ADAM12: variants seen among roughly 807,000 people sequenced by gnomAD.
ADAM12 encodes ADAM metallopeptidase domain 12, also known as disintegrin and metalloproteinase domain-containing protein 12.
ADAM12 carries 70 observed loss-of-function variants against 106.4 expected under a neutral mutation model. That is an observed-to-expected ratio of 0.66 (90% CI 0.54 to 0.80). ADAM12 has a LOEUF of 0.80. Ranked by LOEUF, ADAM12 falls within the 30% of genes least tolerant of loss-of-function variation. ADAM12 has a pLI of 0.00. For missense variants in ADAM12, 1,010 were observed against 1,171.9 expected, an observed-to-expected ratio of 0.86 and a Z score of 2.02; for synonymous variants, 420 against 433.5, an observed-to-expected ratio of 0.97 and a Z score of 0.39.
At chr10:126,351,315 G>T (rs557587752) in intron 1 of ADAM12, among the ~76,000 whole-genome samples, 4 of 151,870 alleles carry the variant, frequency 2.6e-5, no homozygotes, top group Non-Finnish European at 5.9e-5. Context: ...TCTGTCCTCT[G>T]CCAGCCCTAT....
Position 126,015,292 on chromosome 10 carries a change from G to A in ADAM12, c.*1987C>T, listed in dbSNP as rs1237169533. 1 of 152,146 alleles carries A rather than the reference G, an allele frequency of 6.6e-6. No homozygotes were observed. The highest frequency in any genetic ancestry group is 1.5e-5 in the Non-Finnish European group (1 of 68,016). 9.4% of individuals were successfully genotyped at this position (152,146 alleles called of 1,614,324 possible). A position where few individuals can be genotyped will look rare whatever the true frequency, so the allele number is the denominator to read the frequency against. ...ACTCAGTTCATATCCTCTTATAATT[G>A]GAGGAAGGGCTAACATGCCAGATCT... On this transcript the variant is annotated 3_prime_UTR_variant, in exon 23 of 23. Coordinates refer to ENST00000448723, the MANE Select transcript of ADAM12 (RefSeq NM_001288973.2).
intron 3 of ADAM12, among the ~76,000 whole-genome samples, chr10:126,202,042 A>G (rs570149039): frequency 2.0e-5 from 3 of 152,314 alleles, no homozygotes; most frequent in South Asian, 4.1e-4. Context: ...CAGGATGTAC[A>G]GCACCAGTGC....
rs781742317 is a variant in ADAM12, at chr10:126,066,816, G to C, written c.1324-10C>G. On this transcript the variant is annotated splice_polypyrimidine_tract_variant and intron_variant, in intron 12 of 22. Coordinates refer to ENST00000448723, the MANE Select transcript of ADAM12 (RefSeq NM_001288973.2). The surrounding 1 kb of genome is among the most constrained non-coding windows in gnomAD (Gnocchi z 5.1). Reference sequence around the variant, plus strand: ...AGCGATTCATACATTCCTGGAAAGGGGAATGGCATTTGTTTGACAGGGTCT... The same window carrying C: ...AGCGATTCATACATTCCTGGAAAGGCGAATGGCATTTGTTTGACAGGGTCT... The C allele has an allele frequency of 1.1e-5, 18 of 1,612,142 alleles. No homozygotes were observed. The highest frequency in any genetic ancestry group is 1.7e-5 in the Admixed American group (1 of 59,992).
chr10:126,366,010 G>A (rs549229004), intron 1 of ADAM12, among the ~76,000 whole-genome samples: 165 of 152,250 alleles, frequency 1.1e-3, no homozygotes, highest in African/African-American at 3.7e-3. Flanking sequence ...AATATTATAC[G>A]AGGTTTAGAT....
chr10:126,334,828 T>A (rs188894561), intron 1 of ADAM12, among the ~76,000 whole-genome samples: 132 of 152,294 alleles, frequency 8.7e-4, no homozygotes, highest in Non-Finnish European at 1.5e-3. Flanking sequence ...AGGTGGAGAC[T>A]GATGCAGCAG....
At chr10:126,071,449 G>C in intron 12 of ADAM12, 28 bp downstream of exon 12, 1 of 1,610,592 alleles carries the variant, frequency 6.2e-7, no homozygotes, top group South Asian at 1.1e-5. Context: ...AAGTCTTCTT[G>C]TATCCTTGTT....
At chr10:126,208,353 G>T (rs576123967) in intron 3 of ADAM12, among the ~76,000 whole-genome samples, 18 of 152,138 alleles carry the variant, frequency 1.2e-4, no homozygotes, top group Non-Finnish European at 2.6e-4. Flanking sequence ...CAGCAACAAA[G>T]AATTATCCCC....
At position 126,038,365 on chromosome 10, in the gene ADAM12, A is replaced by G. The variant is rs1565001807; in HGVS notation, c.2241-16T>C. On this transcript the variant is annotated splice_polypyrimidine_tract_variant and intron_variant, in intron 19 of 22. Coordinates refer to ENST00000448723, the MANE Select transcript of ADAM12 (RefSeq NM_001288973.2). ...GCGCACACACCTGCAACAGAATCCCATACCTGCTGACCAAGCGTGTTTCCC... is the reference window on the plus strand; with the variant it reads ...GCGCACACACCTGCAACAGAATCCCGTACCTGCTGACCAAGCGTGTTTCCC... The G allele has an allele frequency of 6.5e-7, 1 of 1,542,328 alleles. No homozygotes were observed. Among genetic ancestry groups the G allele is most frequent in the East Asian group, 2.3e-5 (1 of 43,492 alleles).
chr10:126,203,838 G>A (rs1957745196), intron 3 of ADAM12, among the ~76,000 whole-genome samples: 1 of 152,180 alleles, frequency 6.6e-6, no homozygotes, highest in South Asian at 2.1e-4. Flanking sequence ...TTGGGAGTGT[G>A]GCTGCCTGTG....
rs566025384 is a variant in ADAM12 at position 126,235,973 on chromosome 10, G to A, written c.260+42942C>T. ...ACCAAGGGGCTGGGGGAGCAGAGGC[G>A]AGGGCAGCCCAGGGCCTGGCAGACA... On this transcript the variant is annotated intron_variant, in intron 3 of 22. Coordinates refer to ENST00000448723, the MANE Select transcript of ADAM12 (RefSeq NM_001288973.2). 7.9e-5 allele frequency among the ~76,000 whole-genome samples: 12 copies of A among 152,270 alleles called. No homozygotes were observed. The East Asian group carries it at 1.7e-3, about 22-fold the overall frequency.
chr10:126,362,232 T>C (rs899038913), intron 1 of ADAM12, among the ~76,000 whole-genome samples: 3 of 151,984 alleles, frequency 2.0e-5, no homozygotes, highest in South Asian at 2.1e-4. Flanking sequence ...AAAACCACAA[T>C]GAGATATTAT....
At chr10:126,201,365 A>G (rs1402533557) in intron 3 of ADAM12, among the ~76,000 whole-genome samples, 1 of 152,146 alleles carries the variant, frequency 6.6e-6, no homozygotes, top group Non-Finnish European at 1.5e-5. Context: ...GAGATACAGA[A>G]GAGAAACAGG....
intron 3 of ADAM12, among the ~76,000 whole-genome samples, chr10:126,268,088 A>C (rs993236967): frequency 1.3e-5 from 2 of 152,282 alleles, no homozygotes; most frequent in Middle Eastern, 3.4e-3. Context: ...TCATCATCCC[A>C]AACAGAAACT....
At chr10:126,315,807 A>T (rs1853841488) in intron 2 of ADAM12, among the ~76,000 whole-genome samples, 1 of 152,222 alleles carries the variant, frequency 6.6e-6, no homozygotes, top group South Asian at 2.1e-4. Context: ...AGATCCAGAC[A>T]TGAAAATCGC....
In ADAM12 at chr10:126,338,276, G is replaced by A. The variant is rs1244025006; in HGVS notation, c.89-7767C>T. ...TTTTTTTTTTTTTTTTTTTTGAGAC[G>A]GAGTCTCGCTCTGTCGCCCAGGCTG... On this transcript the variant is annotated intron_variant, in intron 1 of 22. Coordinates refer to ENST00000448723, the MANE Select transcript of ADAM12 (RefSeq NM_001288973.2). Among the ~76,000 whole-genome samples, 224 of 103,618 alleles carry A rather than the reference G, an allele frequency of 2.2e-3. 5 individuals are homozygous for A. Among genetic ancestry groups the A allele is most frequent in the South Asian group, 0.012 (39 of 3,212 alleles). The allele number at this position is 103,618 out of a possible 152,430, so 68.0% of individuals were successfully genotyped here.
At chr10:126,297,602 A>G (rs1200339624) in intron 2 of ADAM12, among the ~76,000 whole-genome samples, 1 of 152,206 alleles carries the variant, frequency 6.6e-6, no homozygotes, top group East Asian at 1.9e-4. Flanking sequence ...GATATTCCAC[A>G]GTCATTAAGC....
At chr10:126,204,583 C>A (rs914458202) in intron 3 of ADAM12, among the ~76,000 whole-genome samples, 1 of 152,212 alleles carries the variant, frequency 6.6e-6, no homozygotes, top group African/African-American at 2.4e-5. Context: ...CCTCTCATCC[C>A]TCAACGTTTA....
intron 12 of ADAM12, among the ~76,000 whole-genome samples, chr10:126,067,480 G>A (rs897243890): frequency 7.9e-5 from 12 of 152,232 alleles, no homozygotes; most frequent in Non-Finnish European, 8.8e-5. Context: ...AGCATTAGAT[G>A]TACTGTCCTC....
intron 16 of ADAM12, among the ~76,000 whole-genome samples, chr10:126,047,142 T>C (rs1954347785): frequency 2.0e-5 from 3 of 152,244 alleles, no homozygotes; most frequent in Non-Finnish European, 1.5e-5. Flanking sequence ...ACTCAAGGGA[T>C]GCAGCCCTTT....
Sources: gnomAD v4.1 joint callset for allele counts (sites outside exome capture counted in the v4.1 genomes callset) on GRCh38, gnomAD v4.1.1 for gene constraint, Gnocchi (gnomAD v3.1) non-coding constraint, MANE v1.5 for transcripts, NCBI Gene and HGNC (gene_info 2026-07-23, HGNC 2026-07-21) for gene names.